Variants in OTOG observed in about 807,000 individuals in gnomAD.
The protein encoded by OTOG is otogelin.
Under a neutral mutation model 313.8 loss-of-function variants are expected in OTOG, and 296 were observed. The observed-to-expected ratio is 0.94, with a 90% confidence interval of 0.86 to 1.04. The LOEUF (loss-of-function observed/expected upper bound fraction) is 1.04, where lower values mean the gene tolerates loss of function less well. Among genes scored for constraint, OTOG ranks in the 50% least tolerant of loss-of-function variants. The pLI, the probability that OTOG is intolerant of heterozygous loss-of-function variation, is 0.00. For synonymous variants in OTOG, 1,533 were observed against 1,554.9 expected (o/e 0.99, Z 0.33); for missense variants, 3,948 against 3,840.1 (o/e 1.03, Z -0.74).
intron 16 of OTOG, 133 bp from the exon 17 acceptor site, chr11:17,570,080 G>A (rs1852370070): frequency 7.7e-6 from 5 of 652,698 alleles, no homozygotes; most frequent in Non-Finnish European, 1.0e-5. Flanking sequence ...TGGCAGGCAC[G>A]CAGGCAGGCA....
chr11:17,574,080 C>T (rs138702901), intron 19 of OTOG, among the ~76,000 whole-genome samples: 1 of 152,226 alleles, frequency 6.6e-6, no homozygotes, highest in African/African-American at 2.4e-5. Flanking sequence ...TTTTCAGAAG[C>T]TCCCCAGGTG....
chr11:17,596,275 C>T, intron 29 of OTOG, 121 bp downstream of exon 29: 1 of 736,416 alleles, frequency 1.4e-6, no homozygotes, highest in Non-Finnish European at 2.3e-6. Context: ...GAAGATCTGC[C>T]TCTGCCATTC....
Position 17,612,754 on chromosome 11 carries a change from AG to A in OTOG, c.6428del (p.Ser2143MetfsTer7). ...CACCGTCCATGTACTGGACTGCAAAAGTGCCAACCTGGTGCCTGCCCCATAC... is the reference window on the plus strand; with the variant it reads ...CACCGTCCATGTACTGGACTGCAAAATGCCAACCTGGTGCCTGCCCCATAC... ...MLTVHVLDCK[S>X]ANLGHLNWPP... On this transcript the variant is annotated frameshift_variant, in exon 38 of 56. Coordinates refer to ENST00000399397, the MANE Select transcript of OTOG (RefSeq NM_001292063.2). LOFTEE classifies it high-confidence loss of function. The A allele has an allele frequency of 2.6e-6, 4 of 1,550,404 alleles. No homozygotes were observed. The highest frequency in any genetic ancestry group is 3.5e-6 in the Non-Finnish European group (4 of 1,146,910).
At chr11:17,548,968 G>A (rs1390146743) in intron 3 of OTOG, among the ~76,000 whole-genome samples, 3 of 152,060 alleles carry the variant, frequency 2.0e-5, no homozygotes, top group Admixed American at 2.0e-4. Flanking sequence ...ATCCTTCTGT[G>A]TCAGCCTCCC....
At position 17,630,428 on chromosome 11, in the gene OTOG, G is replaced by A. The variant is rs542654531; in HGVS notation, c.6712+1112G>A. Among the ~76,000 whole-genome samples, 45 of 152,324 alleles carry A rather than the reference G, an allele frequency of 3.0e-4. No homozygotes were observed. In the South Asian group the frequency reaches 6.4e-3, roughly 22 times the overall value. ...CTGACTTAAAGCCAAGACCCAAAGT[G>A]TGACCATGGGAACCATTAATAATAT... On this transcript the variant is annotated intron_variant, in intron 40 of 55. Transcript: ENST00000399397.
chr11:17,626,071 T>C (rs1048754256), intron 39 of OTOG, among the ~76,000 whole-genome samples: 2 of 152,230 alleles, frequency 1.3e-5, no homozygotes, highest in African/African-American at 4.8e-5. Flanking sequence ...TTTTCCCCAA[T>C]GTATGTTCTT....
At chr11:17,609,396 A>C (rs1853468575) in intron 35 of OTOG, among the ~76,000 whole-genome samples, 187 bp downstream of exon 35, 1 of 151,990 alleles carries the variant, frequency 6.6e-6, no homozygotes, top group South Asian at 2.1e-4. Flanking sequence ...TTTCACAGAG[A>C]GGAGAAATGA....
At chr11:17,596,565 G>C (rs978409701) in intron 29 of OTOG, among the ~76,000 whole-genome samples, 18 of 152,220 alleles carry the variant, frequency 1.2e-4, no homozygotes, top group African/African-American at 3.9e-4. Context: ...GGCTGTCTCT[G>C]GCCCTGGCTA....
intron 31 of OTOG, among the ~76,000 whole-genome samples, chr11:17,601,288 G>A (rs1853242730): frequency 6.6e-6 from 1 of 152,164 alleles, no homozygotes; most frequent in Non-Finnish European, 1.5e-5. Context: ...GCAGGAGAGG[G>A]TGCAGGGAGA....
intron 39 of OTOG, among the ~76,000 whole-genome samples, chr11:17,617,166 G>T (rs1361429900): frequency 2.2e-4 from 34 of 151,858 alleles, no homozygotes; most frequent in Admixed American, 2.1e-3. Flanking sequence ...ATTGATTTTT[G>T]TGTGTTAACC....
In OTOG at chr11:17,593,286, G is replaced by A; in HGVS notation, c.3100G>A (p.Gly1034Arg). The change falls in exon 26 of 56, where the codon GGG becomes AGG. Residue 1034 changes from glycine to arginine, a missense_variant. Physicochemically the swap from Gly to Arg is moderately radical, Grantham distance 125. Coordinates refer to ENST00000399397, the MANE Select transcript of OTOG (RefSeq NM_001292063.2). The stretch of plus-strand genomic sequence containing the variant: ...CAGGAAATTTATTTCCATCAACGTT[G>A]GGAACTCACTCATTGTCTTTGATGA... Reference protein sequence around the residue: ...ICRKFISINVGNSLIVFDDDS... With the variant: ...ICRKFISINVRNSLIVFDDDS... The A allele has an allele frequency of 6.4e-7, 1 of 1,550,540 alleles. No homozygotes were observed. Among genetic ancestry groups the A allele is most frequent in the South Asian group, 1.2e-5 (1 of 84,056 alleles).
At chr11:17,573,595 C>G (rs1196252397) in intron 19 of OTOG, among the ~76,000 whole-genome samples, 1 of 152,206 alleles carries the variant, frequency 6.6e-6, no homozygotes, top group African/African-American at 2.4e-5. Flanking sequence ...CTCCGCCACC[C>G]TACTCAGAGC....
At chr11:17,554,285 G>A (rs1476454204) in intron 6 of OTOG, among the ~76,000 whole-genome samples, 1 of 152,176 alleles carries the variant, frequency 6.6e-6, no homozygotes, top group African/African-American at 2.4e-5. Context: ...CTCTTACAAA[G>A]GTCTGGTTTT....
At chr11:17,564,878 A>G (rs1000339895) in intron 15 of OTOG, among the ~76,000 whole-genome samples, 26 of 152,174 alleles carry the variant, frequency 1.7e-4, no homozygotes, top group Admixed American at 9.8e-4. Context: ...CTAGGGTTGG[A>G]TGTTATCACA....
chr11:17,635,795 A>C, intron 47 of OTOG, 84 bp downstream of exon 47: 1 of 1,152,890 alleles, frequency 8.7e-7, no homozygotes, highest in South Asian at 1.3e-5. Flanking sequence ...GGGGGTTGAC[A>C]GGGAGCAACA....
intron 17 of OTOG, 35 bp downstream of exon 17, chr11:17,570,425 G>A (rs904111002): frequency 1.0e-5 from 16 of 1,545,960 alleles, no homozygotes; most frequent in South Asian, 4.8e-5. Context: ...GAAGAAGAGG[G>A]GAAATGGGCC....
At chr11:17,573,942 G>A (rs1438654329) in intron 19 of OTOG, among the ~76,000 whole-genome samples, 1 of 152,216 alleles carries the variant, frequency 6.6e-6, no homozygotes, top group South Asian at 2.1e-4. Context: ...GATTGGACAG[G>A]CCCACTGGTT....
At chr11:17,566,487 T>C (rs1471831220) in intron 15 of OTOG, among the ~76,000 whole-genome samples, 1 of 152,212 alleles carries the variant, frequency 6.6e-6, no homozygotes, top group Non-Finnish European at 1.5e-5. Context: ...CACATAAGTA[T>C]AAATATTTCT....
chr11:17,624,934 C>T (rs181174424), intron 39 of OTOG, among the ~76,000 whole-genome samples: 1 of 152,196 alleles, frequency 6.6e-6, no homozygotes, highest in Admixed American at 6.5e-5. Flanking sequence ...AATAAGATTG[C>T]CTTCCTGATT....
Sources: allele counts gnomAD v4.1 joint callset (sites outside exome capture counted in the v4.1 genomes callset), GRCh38; gene constraint gnomAD v4.1.1; transcripts MANE v1.5; gene names NCBI Gene and HGNC (gene_info 2026-07-23, HGNC 2026-07-21).